Variants in SERPINA1 observed in about 807,000 individuals in gnomAD.
SERPINA1 encodes serpin family A member 1.
Under a neutral mutation model 25.4 loss-of-function variants are expected in SERPINA1, and 21 were observed. That is an observed-to-expected ratio of 0.83 (90% confidence interval 0.59 to 1.19). The LOEUF is 1.19. Ranked by LOEUF, SERPINA1 falls within the 50% of genes most tolerant of loss-of-function variation. The probability of loss-of-function intolerance (pLI) is 0.00; values close to 1 mark genes in which losing one functional copy is unlikely to be tolerated. For synonymous variants in SERPINA1, 218 were observed against 211.1 expected (o/e 1.03, Z -0.29); for missense variants, 546 against 509.0 (o/e 1.07, Z -0.70).
rs150455534 is a variant in SERPINA1, at chr14:94,379,562, G to A, written c.967C>T (p.Leu323=). ...CCCAGTTGACCCAGGACGCTCTTCA[G>A]ATCATAGGTTCCAGTAATGGACAGT... The part of the protein sequence containing the change: ...PKLSITGTYD[L]KSVLGQLGIT... Residue 323 remains leucine, a synonymous_variant, in exon 4 of 5, where the codon CTG becomes TTG. Coordinates refer to ENST00000393087, the MANE Select transcript of SERPINA1 (RefSeq NM_000295.5). The A allele has an allele frequency of 5.7e-5, 92 of 1,614,122 alleles. No individual in the cohort carries two copies. Among genetic ancestry groups the A allele is most frequent in the Admixed American group, 1.7e-5 (1 of 60,012 alleles).
intron 1 of SERPINA1, among the ~76,000 whole-genome samples, chr14:94,385,457 T>C (rs1897228501): frequency 6.6e-6 from 1 of 152,246 alleles, no homozygotes; most frequent in Non-Finnish European, 1.5e-5. Flanking sequence ...GCTTCCCAAA[T>C]AGCTGGGATT....
chr14:94,379,362 G>A (rs1896665899), intron 4 of SERPINA1, 102 bp downstream of exon 4: 1 of 1,530,914 alleles, frequency 6.5e-7, no homozygotes, highest in Non-Finnish European at 9.0e-7. Flanking sequence ...GTCTTCATTT[G>A]TTTCCCTCGG....
At chr14:94,386,941 T>C (rs183584415) in intron 1 of SERPINA1, among the ~76,000 whole-genome samples, 12 of 152,334 alleles carry the variant, frequency 7.9e-5, no homozygotes, top group Middle Eastern at 3.4e-3. Context: ...CCCTATTTTA[T>C]AGATAGAAAA....
At position 94,382,593 on chromosome 14, in the gene SERPINA1, T is replaced by C. The variant is rs780506538; in HGVS notation, c.645A>G (p.Lys215=). The C allele has an allele frequency of 1.2e-6, 2 of 1,614,236 alleles. No individual in the cohort carries two copies. Among genetic ancestry groups the C allele is most frequent in the African/African-American group, 2.7e-5 (2 of 75,064 alleles). Residue 215 remains lysine, a splice_region_variant and synonymous_variant, in exon 2 of 5, where the codon AAA becomes AAG. Transcript: ENST00000393087. The part of the protein sequence containing the change: ...VFALVNYIFF[K]GKWERPFEVK... ...CTCAGGCTGGTTGAGCAACCTTACC[T>C]TTAAAGAAGATGTAATTCACCAGAG...
At chr14:94,380,300 A>C (rs1358087953) in intron 3 of SERPINA1, among the ~76,000 whole-genome samples, 1 of 152,296 alleles carries the variant, frequency 6.6e-6, no homozygotes, top group East Asian at 1.9e-4. Flanking sequence ...ATGCACACAC[A>C]TACACTAATG....
upstream of SERPINA1, chr14:94,389,814 C>T (rs1897567643): frequency 6.6e-6 from 1 of 152,250 alleles, no homozygotes; most frequent in South Asian, 2.1e-4. Flanking sequence ...ACAGGATCCT[C>T]CAGCACACAC....
rs143920236 is a variant in SERPINA1 at position 94,383,187 on chromosome 14, G to A, written c.51C>T (p.Cys17=). The change falls in exon 2 of 5, where the codon TGC becomes TGT. Residue 17 remains cysteine (C), a synonymous_variant. Transcript: ENST00000393087. The part of the protein sequence containing the change: ...WGILLLAGLC[C]LVPVSLAEDP... ...CCTCAGCCAGGGAGACAGGGACCAG[G>A]CAGCACAGGCCTGCCAGCAGGAGGA... 166 of 1,614,140 alleles carry A rather than the reference G, an allele frequency of 1.0e-4. No individual in the cohort carries two copies. In the African/African-American group the frequency reaches 1.9e-3, roughly 18 times the overall value.
intron 4 of SERPINA1, chr14:94,379,024 C>G (rs137938482): frequency 1.9e-6 from 1 of 534,188 alleles, no homozygotes. Flanking sequence ...ATTCATGGAA[C>G]TGCAGTTGTT....
chr14:94,381,435 T>G (rs1364149899), intron 2 of SERPINA1, among the ~76,000 whole-genome samples: 2 of 152,220 alleles, frequency 1.3e-5, no homozygotes, highest in African/African-American at 4.8e-5. Context: ...TGGAATCATA[T>G]GTTTATTTGA....
At chr14:94,388,061 G>C (rs1050078628) in intron 1 of SERPINA1, among the ~76,000 whole-genome samples, 2 of 152,006 alleles carry the variant, frequency 1.3e-5, no homozygotes, top group Non-Finnish European at 2.9e-5. Flanking sequence ...AATGTGAGCC[G>C]GCGTTCCTCC....
chr14:94,379,385 C>T (rs1896668832), intron 4 of SERPINA1, 79 bp downstream of exon 4: 3 of 1,593,386 alleles, frequency 1.9e-6, no homozygotes, highest in Non-Finnish European at 2.6e-6. Context: ...CCTTCCTCAG[C>T]CTCAGGACAG....
intron 2 of SERPINA1, among the ~76,000 whole-genome samples, chr14:94,382,210 T>C (rs2239651): frequency 0.26 from 39,569 of 152,166 alleles, 5,644 homozygotes; most frequent in South Asian, 0.5. Context: ...GTCTTTCAGA[T>C]TGCAAAACTG....
At position 94,382,895 on chromosome 14, in the gene SERPINA1, G is replaced by C. The variant is rs1897040319; in HGVS notation, c.343C>G (p.Gln115Glu). 6.2e-7 allele frequency: 1 copy of C among 1,613,764 alleles called. No individual in the cohort carries two copies. The highest frequency in any genetic ancestry group is 1.1e-5 in the South Asian group (1 of 91,082). ...NFNLTEIPEA[Q>E]IHEGFQELLR... Reference sequence around the variant, plus strand: ...AGTTCCTGGAAGCCTTCATGGATCTGAGCCTCCGGAATCTCCGTGAGGTTG... The same window carrying C: ...AGTTCCTGGAAGCCTTCATGGATCTCAGCCTCCGGAATCTCCGTGAGGTTG... The change falls in exon 2 of 5, where the codon CAG becomes GAG. Residue 115 changes from glutamine (Q) to glutamate (E), a missense_variant. Gln to Glu is a conservative substitution (Grantham distance 29, BLOSUM62 2). Coordinates refer to ENST00000393087, the MANE Select transcript of SERPINA1 (RefSeq NM_000295.5).
At chr14:94,383,974 C>T (rs1019624983) in intron 1 of SERPINA1, 1 of 152,278 alleles carries the variant, frequency 6.6e-6, no homozygotes, top group Non-Finnish European at 1.5e-5. Flanking sequence ...CGGGGCTGTC[C>T]CCACAATGCT....
chr14:94,382,812 C>T lies in SERPINA1; in HGVS notation c.426G>A (p.Leu142=), dbSNP rs758835662. The T allele has an allele frequency of 3.1e-5, 50 of 1,614,262 alleles. No homozygotes were observed. The South Asian group carries it at 4.9e-4, about 16-fold the overall frequency. ...CTAGCTTCAGGCCCTCGCTGAGGAA[C>T]AGGCCATTGCCGGTGGTCAGCTGGA... The part of the protein sequence containing the change: ...SQLQLTTGNG[L]FLSEGLKLVD... The change falls in exon 2 of 5, where the codon CTG becomes CTA. Residue 142 remains leucine, a synonymous_variant. Coordinates refer to ENST00000393087, the MANE Select transcript of SERPINA1 (RefSeq NM_000295.5).
At position 94,378,205 on chromosome 14, in the gene SERPINA1, C is replaced by T; in HGVS notation, c.*244G>A. 1.7e-6 allele frequency: 1 copy of T among 580,870 alleles called. No individual in the cohort carries two copies. Among genetic ancestry groups the T allele is most frequent in the South Asian group, 2.1e-5 (1 of 48,168 alleles). 36.0% of individuals were successfully genotyped at this position (580,870 alleles called of 1,614,324 possible). A position where few individuals can be genotyped will look rare whatever the true frequency, so the allele number is the denominator to read the frequency against. Reference sequence around the variant, plus strand: ...AGGTCCGTAAGCTGAGGATTCAGTCCCCCCTGGATTCAAGCCCAGCATGTG... The same window carrying T: ...AGGTCCGTAAGCTGAGGATTCAGTCTCCCCTGGATTCAAGCCCAGCATGTG... On this transcript the variant is annotated 3_prime_UTR_variant, in exon 5 of 5. Transcript: ENST00000393087.
At position 94,383,082 on chromosome 14, in the gene SERPINA1, G is replaced by T. The variant is rs1240367008; in HGVS notation, c.156C>A (p.Pro52=). The T allele has an allele frequency of 2.5e-6, 4 of 1,614,128 alleles. No homozygotes were observed. Among genetic ancestry groups the T allele is most frequent in the Non-Finnish European group, 3.4e-6 (4 of 1,180,040 alleles). Residue 52 remains proline (P), a synonymous_variant, in exon 2 of 5, where the codon CCC becomes CCA. Coordinates refer to ENST00000393087, the MANE Select transcript of SERPINA1 (RefSeq NM_000295.5). ...GGCTGAAGGCGAACTCAGCCAGGTT[G>T]GGGGTGATCTTGTTGAAGGTTGGGT... ...QDHPTFNKIT[P]NLAEFAFSLY...
Position 94,383,102 on chromosome 14 carries a change from T to C in SERPINA1, c.136A>G (p.Thr46Ala), listed in dbSNP as rs1243707738. ...AGGTTGGGGGTGATCTTGTTGAAGG[T>C]TGGGTGATCCTGATCATGGTGGGAT... ...DTSHHDQDHP[T>A]FNKITPNLAE... Residue 46 changes from threonine (T) to alanine (A), a missense_variant, in exon 2 of 5, where the codon ACC (threonine) becomes GCC (alanine). Physicochemically the swap from Thr to Ala is moderately conservative, Grantham distance 58 (BLOSUM62 0). Coordinates refer to ENST00000393087, the MANE Select transcript of SERPINA1 (RefSeq NM_000295.5). 3.7e-6 allele frequency: 6 copies of C among 1,614,032 alleles called. No homozygotes were observed. The highest frequency in any genetic ancestry group is 3.3e-4 in the Middle Eastern group (2 of 6,084).
rs1469794381 is a variant in SERPINA1, at chr14:94,382,662, T to A, written c.576A>T (p.Lys192Asn). The change falls in exon 2 of 5, where the codon AAA becomes AAT. Residue 192 changes from lysine (K) to asparagine (N), a missense_variant. By Grantham distance (94) the Lys-to-Asn change is moderately conservative. Coordinates refer to ENST00000393087, the MANE Select transcript of SERPINA1 (RefSeq NM_000295.5). ...NDYVEKGTQG[K>N]IVDLVKELDR... is the part of the protein sequence containing the mutation. Reference sequence around the variant, plus strand: ...CAAGCTCCTTGACCAAATCCACAATTTTCCCTTGAGTACCCTTCTCCACGT... The same window carrying A: ...CAAGCTCCTTGACCAAATCCACAATATTCCCTTGAGTACCCTTCTCCACGT... 1 of 1,614,128 alleles carries A rather than the reference T, an allele frequency of 6.2e-7. No individual in the cohort carries two copies. Among genetic ancestry groups the A allele is most frequent in the Non-Finnish European group, 8.5e-7 (1 of 1,180,058 alleles).
Sources: gnomAD v4.1 joint callset for allele counts (sites outside exome capture counted in the v4.1 genomes callset) on GRCh38, gnomAD v4.1.1 for gene constraint, MANE v1.5 for transcripts, NCBI Gene and HGNC (gene_info 2026-07-23, HGNC 2026-07-21) for gene names.